SNX4: variants seen among roughly 807,000 people sequenced by gnomAD.
SNX4 encodes the protein sorting nexin-4.
In SNX4, 49 loss-of-function variants were observed where a neutral mutation model predicts 70.8. The ratio of observed to expected loss-of-function variants is 0.69; its 90% CI spans 0.55 to 0.88. The LOEUF (loss-of-function observed/expected upper bound fraction) is 0.88. Among genes scored for constraint, SNX4 ranks in the 40% least tolerant of loss-of-function variants. SNX4 has a pLI of 0.00. For missense variants in SNX4, 528 were observed against 544.8 expected (o/e 0.97, Z 0.31); for synonymous variants, 206 against 183.8 (o/e 1.12, Z -0.98).
chr3:125,474,635 TA>T (rs1934251570), intron 8 of SNX4, among the ~76,000 whole-genome samples: 3 of 152,300 alleles, frequency 2.0e-5, no homozygotes, highest in African/African-American at 7.2e-5. Context: ...TTTTTAAATG[TA>T]AAGTGGCTTT....
In SNX4 at chr3:125,478,188, T is replaced by C. The variant is rs186110405; in HGVS notation, c.727-1432A>G. ...TCTGCCTCTTGGGTTCAAGCGATTA[T>C]CCCACCTCAGCCTCCCGAGTAGTGG... On this transcript the variant is annotated intron_variant, in intron 7 of 13. Coordinates refer to ENST00000251775, the MANE Select transcript of SNX4 (RefSeq NM_003794.4). Among the ~76,000 whole-genome samples the C allele has an allele frequency of 2.4e-4, 36 of 152,056 alleles. No individual in the cohort carries two copies. The East Asian group carries it at 6.4e-3, about 27-fold the overall frequency.
intron 6 of SNX4, among the ~76,000 whole-genome samples, chr3:125,488,305 A>G (rs1934577325): frequency 6.6e-6 from 1 of 151,720 alleles, no homozygotes; most frequent in African/African-American, 2.4e-5. Context: ...GCAAAACCCC[A>G]TCTCTACTAA....
At chr3:125,503,411 C>A (rs969257282) in intron 2 of SNX4, among the ~76,000 whole-genome samples, 1 of 152,158 alleles carries the variant, frequency 6.6e-6, no homozygotes, top group Non-Finnish European at 1.5e-5. Context: ...TTTAGCTTTT[C>A]CCTTAGGAGG....
intron 1 of SNX4, among the ~76,000 whole-genome samples, chr3:125,505,998 T>C (rs767850655): frequency 2.2e-4 from 33 of 152,114 alleles, no homozygotes; most frequent in Non-Finnish European, 4.0e-4. Flanking sequence ...TAATCACACA[T>C]GCCCAGGAAA....
chr3:125,484,328 CA>C (rs1210969201), intron 6 of SNX4, among the ~76,000 whole-genome samples: 62 of 152,310 alleles, frequency 4.1e-4, no homozygotes, highest in African/African-American at 1.5e-3. Context: ...GATCTTGGCT[CA>C]CTGCAACCTC....
chr3:125,480,912 A>C (rs911741499), intron 6 of SNX4, among the ~76,000 whole-genome samples: 3 of 152,086 alleles, frequency 2.0e-5, no homozygotes, highest in Non-Finnish European at 2.9e-5. Flanking sequence ...AACGCTCTAG[A>C]TTCCATTCCA....
At chr3:125,464,564 C>CTTTTT (rs778518316) in intron 9 of SNX4, among the ~76,000 whole-genome samples, 29 of 67,064 alleles carry the variant, frequency 4.3e-4, no homozygotes, top group Admixed American at 6.3e-4. Flanking sequence ...ATTTATCTTT[C>CTTTTT]TTTTTTTTTT....
At chr3:125,471,344 CAAAAAAAAAAAA>C (rs767432586) in intron 8 of SNX4, among the ~76,000 whole-genome samples, 6 of 28,164 alleles carry the variant, frequency 2.1e-4, no homozygotes, top group South Asian at 3.8e-3. Context: ...AGCTCCATCT[CAAAAAAAAAAAA>C]AAAAAAAAAA....
chr3:125,499,841 G>T (rs1580003855), intron 2 of SNX4, among the ~76,000 whole-genome samples: 1 of 151,624 alleles, frequency 6.6e-6, no homozygotes, highest in East Asian at 1.9e-4. Flanking sequence ...GGTCAAGGTG[G>T]GTGGATCAGG....
At chr3:125,485,948 C>T (rs1934516795) in intron 6 of SNX4, among the ~76,000 whole-genome samples, 1 of 152,180 alleles carries the variant, frequency 6.6e-6, no homozygotes, top group South Asian at 2.1e-4. Context: ...TCAAGCAATT[C>T]TCCTGCCTCA....
At chr3:125,454,083 A>G (rs772040860) in intron 11 of SNX4, 128 bp from the exon 12 acceptor site, 2 of 710,292 alleles carry the variant, frequency 2.8e-6, no homozygotes, top group Non-Finnish European at 4.6e-6. Context: ...ATAAACCTGC[A>G]GGACATTATG....
At chr3:125,473,929 T>C (rs1460697197) in intron 8 of SNX4, among the ~76,000 whole-genome samples, 1 of 152,222 alleles carries the variant, frequency 6.6e-6, no homozygotes, top group Non-Finnish European at 1.5e-5. Context: ...ACTTTATATA[T>C]ACAACTCATA....
At chr3:125,485,899 G>A (rs1360195929) in intron 6 of SNX4, among the ~76,000 whole-genome samples, 1 of 152,054 alleles carries the variant, frequency 6.6e-6, no homozygotes, top group Admixed American at 6.5e-5. Flanking sequence ...GGAGTGCAAT[G>A]GCGCGATCTT....
intron 2 of SNX4, among the ~76,000 whole-genome samples, chr3:125,499,400 G>A (rs1384636178): frequency 6.6e-6 from 1 of 152,086 alleles, no homozygotes; most frequent in Non-Finnish European, 1.5e-5. Context: ...TTTACATCAT[G>A]CCATGCTCAG....
rs1322646178 is a variant in SNX4 at position 125,497,396 on chromosome 3, T to C, written c.550-8A>G. On this transcript the variant is annotated splice_polypyrimidine_tract_variant and splice_region_variant and intron_variant, in intron 4 of 13. Coordinates refer to ENST00000251775, the MANE Select transcript of SNX4 (RefSeq NM_003794.4). ...CTCCTTCCAGTTACCTTCCTAAAAATTGAAGTTAATTTTAGAAATCATTAT... is the reference window on the plus strand; with the variant it reads ...CTCCTTCCAGTTACCTTCCTAAAAACTGAAGTTAATTTTAGAAATCATTAT... The C allele has an allele frequency of 5.1e-6, 8 of 1,573,096 alleles. No individual in the cohort carries two copies. The highest frequency in any genetic ancestry group is 1.4e-5 in the African/African-American group (1 of 74,062).
chr3:125,476,706 A>T lies in SNX4; in HGVS notation c.777T>A (p.Gly259=). The change falls in exon 8 of 14, where the codon GGT becomes GGA. Residue 259 remains glycine, a synonymous_variant. Transcript: ENST00000251775. ...TGTATGATGCTTACCTGAAAACTCG[A>T]CCATAATTCCCATGTACTTTATATA... ...YGVYKVHGNY[G]RVFSEWSAIE... 6.3e-7 allele frequency: 1 copy of T among 1,592,006 alleles called. No individual in the cohort carries two copies. The highest frequency in any genetic ancestry group is 8.6e-7 in the Non-Finnish European group (1 of 1,162,562).
intron 1 of SNX4, among the ~76,000 whole-genome samples, chr3:125,512,027 A>C (rs1935184191): frequency 6.6e-6 from 1 of 152,172 alleles, no homozygotes; most frequent in South Asian, 2.1e-4. Flanking sequence ...CAGCCAACAA[A>C]AACAAAAATC....
At chr3:125,511,685 CT>C (rs943995495) in intron 1 of SNX4, among the ~76,000 whole-genome samples, 5 of 151,530 alleles carry the variant, frequency 3.3e-5, no homozygotes, top group East Asian at 1.9e-4. Flanking sequence ...TATGCTATGG[CT>C]TTTTTTTTCT....
chr3:125,454,914 A>G (rs1176343151), intron 11 of SNX4, among the ~76,000 whole-genome samples: 3 of 152,148 alleles, frequency 2.0e-5, no homozygotes, highest in Non-Finnish European at 4.4e-5. Context: ...AGTCAAAAAG[A>G]AGACACTTCT....
Sources: gnomAD v4.1 joint callset for allele counts (sites outside exome capture counted in the v4.1 genomes callset) on GRCh38, gnomAD v4.1.1 for gene constraint, MANE v1.5 for transcripts, NCBI Gene and HGNC (gene_info 2026-07-23, HGNC 2026-07-21) for gene names.